Variants in NF1 observed in about 807,000 individuals in gnomAD.
The protein encoded by NF1 is neurofibromin.
NF1 carries 122 observed loss-of-function variants against 325.7 expected under a neutral mutation model. The observed-to-expected ratio is 0.37, with a 90% CI of 0.32 to 0.44. The LOEUF (loss-of-function observed/expected upper bound fraction) is 0.44, where lower values mean the gene tolerates loss of function less well. NF1 is among the 20% of genes least tolerant of loss of function. The pLI is 1.00. For missense variants in NF1, 2,140 were observed against 3,415.4 expected (o/e 0.63, Z 9.31); for synonymous variants, 1,091 against 1,186.0 (o/e 0.92, Z 1.65).
chr17:31,181,388 T>C (rs2066129770), intron 5 of NF1, 34 bp from the exon 6 acceptor site: 1 of 1,569,304 alleles, frequency 6.4e-7, no homozygotes, highest in East Asian at 2.2e-5. Context: ...TAACTTATTC[T>C]AGAGTTAATT....
chr17:31,222,616 C>A, intron 15 of NF1: 1 of 778,398 alleles, frequency 1.3e-6, no homozygotes, highest in Non-Finnish European at 1.6e-6. Context: ...TTACTTACTA[C>A]ATTAAAGAGT....
chr17:31,254,232 A>C (rs570687660), intron 31 of NF1: 1 of 143,076 alleles, frequency 7.0e-6, no homozygotes, highest in African/African-American at 2.6e-5. Context: ...TGATTGTATC[A>C]CTGTACTCCA....
At chr17:31,344,224 C>A (rs896307968) in intron 48 of NF1, among the ~76,000 whole-genome samples, 12 of 152,170 alleles carry the variant, frequency 7.9e-5, no homozygotes, top group Non-Finnish European at 1.5e-4. Flanking sequence ...CCTATTCTCA[C>A]CCCTTTCTAT....
intron 36 of NF1, among the ~76,000 whole-genome samples, chr17:31,283,103 T>C (rs2068153228): frequency 6.6e-6 from 1 of 152,158 alleles, no homozygotes; most frequent in African/African-American, 2.4e-5. Context: ...CTAGGTTTTG[T>C]ATGTAATTAT....
chr17:31,128,885 C>T (rs1915113568), intron 1 of NF1, among the ~76,000 whole-genome samples: 1 of 150,864 alleles, frequency 6.6e-6, no homozygotes, highest in Non-Finnish European at 1.5e-5. Context: ...TAGATCGCGC[C>T]ACTGCACTCC....
chr17:31,335,002 C>T lies in NF1; in HGVS notation c.5977C>T (p.Gln1993Ter), dbSNP rs2151550703. The T allele has an allele frequency of 6.2e-7, 1 of 1,611,536 alleles. No homozygotes were observed. The highest frequency in any genetic ancestry group is 8.5e-7 in the Non-Finnish European group (1 of 1,179,616). The change falls in exon 40 of 58, where the codon CAA becomes TAA. Residue 1993 changes from glutamine (Q) to a stop codon, truncating the protein, a stop_gained. Coordinates refer to ENST00000358273, the MANE Select transcript of NF1 (RefSeq NM_001042492.3). LOFTEE classifies it high-confidence loss of function. ...INEKQMYPSI[Q>*]AKIWGSLGQI... ...TGAAAAACAGATGTACCCATCTATT[C>T]AAGCAAAAATATGGGGAAGCCTTGG... is the stretch of plus-strand genomic sequence containing the variant.
chr17:31,274,722 A>G (rs1191427513), intron 36 of NF1, among the ~76,000 whole-genome samples: 2 of 114,154 alleles, frequency 1.8e-5, no homozygotes, highest in Non-Finnish European at 3.6e-5. Flanking sequence ...TTTGGGGGGT[A>G]TATAGTTGGT....
intron 1 of NF1, among the ~76,000 whole-genome samples, chr17:31,105,631 C>T (rs1314402743): frequency 6.6e-6 from 1 of 152,192 alleles, no homozygotes; most frequent in Non-Finnish European, 1.5e-5. Context: ...TTTCCTGCCT[C>T]AGCCTCCCAA....
intron 3 of NF1, among the ~76,000 whole-genome samples, chr17:31,160,302 A>G (rs1267173880): frequency 1.3e-5 from 2 of 152,018 alleles, no homozygotes; most frequent in South Asian, 2.1e-4. Context: ...TGGTCAGGCT[A>G]GTTTTGAACT....
intron 57 of NF1, among the ~76,000 whole-genome samples, chr17:31,363,735 A>C (rs1985354): frequency 0.54 from 71,955 of 133,266 alleles, 19,198 homozygotes; most frequent in Middle Eastern, 0.67. Context: ...TGCGCCCAGC[A>C]TTTTTTTTTT....
chr17:31,293,050 C>T (rs1309432664), intron 36 of NF1, among the ~76,000 whole-genome samples: 3 of 151,512 alleles, frequency 2.0e-5, no homozygotes, highest in Non-Finnish European at 2.9e-5. Flanking sequence ...TGGTGGCAGG[C>T]GCCTGTAATC....
At chr17:31,373,536 A>G (rs2070684678) in intron 57 of NF1, among the ~76,000 whole-genome samples, 1 of 152,220 alleles carries the variant, frequency 6.6e-6, no homozygotes, top group African/African-American at 2.4e-5. Flanking sequence ...TCCATGTGAC[A>G]TTAACTTAGT....
chr17:31,296,008 G>A (rs1567879620), intron 36 of NF1: 3 of 1,614,136 alleles, frequency 1.9e-6, no homozygotes, highest in Non-Finnish European at 2.5e-6. Flanking sequence ...TAATGTTGTT[G>A]TTAGCAGCAG....
At chr17:31,238,797 T>C (rs1254986254) in intron 29 of NF1, among the ~76,000 whole-genome samples, 2 of 150,540 alleles carry the variant, frequency 1.3e-5, no homozygotes, top group Non-Finnish European at 3.0e-5. Context: ...AATAAAACAA[T>C]GGAGATATAA....
chr17:31,308,374 C>T (rs1412688344), intron 36 of NF1, among the ~76,000 whole-genome samples: 1 of 152,100 alleles, frequency 6.6e-6, no homozygotes, highest in Non-Finnish European at 1.5e-5. Context: ...CTCCTGACCT[C>T]AAGTGATCTG....
intron 36 of NF1, among the ~76,000 whole-genome samples, chr17:31,303,041 C>G (rs1376497047): frequency 6.6e-6 from 1 of 152,030 alleles, no homozygotes; most frequent in African/African-American, 2.4e-5. Context: ...TGTAAAATTC[C>G]TGTGTCCAAA....
intron 1 of NF1, among the ~76,000 whole-genome samples, chr17:31,109,953 G>A: frequency 6.6e-6 from 1 of 152,184 alleles, no homozygotes; most frequent in East Asian, 1.9e-4. Context: ...ATACTGAGCT[G>A]TGGGGGAGGG....
At position 31,335,853 on chromosome 17, in the gene NF1, A is replaced by ATTT. The variant is rs71360768; in HGVS notation, c.6007-461_6007-459dup. Among the ~76,000 whole-genome samples, 556 of 112,750 alleles carry ATTT rather than the reference A, an allele frequency of 4.9e-3. 18 individuals are homozygous for ATTT. The highest frequency in any genetic ancestry group is 0.028 in the Admixed American group (288 of 10,346). The allele number at this position is 112,750 out of a possible 152,430, so 74.0% of individuals were successfully genotyped here. A position where few individuals can be genotyped will look rare whatever the true frequency, so the allele number is the denominator to read the frequency against. ...ACCAACACACCTGGCTAATTTTTGT[A>ATTT]TTTTTTTTTTTTTTTTTTTTTAGAG... On this transcript the variant is annotated intron_variant, in intron 40 of 57. Transcript: ENST00000358273.
At chr17:31,213,795 C>T (rs1403523541) in intron 12 of NF1, among the ~76,000 whole-genome samples, 3 of 152,094 alleles carry the variant, frequency 2.0e-5, no homozygotes, top group Non-Finnish European at 4.4e-5. Context: ...TGCATGCATT[C>T]TGTAACTTAA....
Sources: allele counts gnomAD v4.1 joint callset (sites outside exome capture counted in the v4.1 genomes callset), GRCh38; gene constraint gnomAD v4.1.1; transcripts MANE v1.5; gene names NCBI Gene and HGNC (gene_info 2026-07-23, HGNC 2026-07-21).